Variants in GATAD2B observed in about 807,000 individuals in gnomAD.
GATAD2B encodes GATA zinc finger domain containing 2B.
A neutral mutation model predicts 64.3 loss-of-function variants in GATAD2B; 8 were observed. The observed-to-expected ratio is 0.12, with a 90% CI of 0.07 to 0.22. The LOEUF (loss-of-function observed/expected upper bound fraction) is 0.22, where lower values mean the gene tolerates loss of function less well. GATAD2B is among the 10% of genes least tolerant of loss of function. The probability of loss-of-function intolerance (pLI) is 1.00; values close to 1 mark genes in which losing one functional copy is unlikely to be tolerated. For synonymous variants in GATAD2B, 281 were observed against 271.3 expected (o/e 1.04, Z -0.35); for missense variants, 453 against 752.0 (o/e 0.60, Z 4.65).
At chr1:153,915,523 G>A (rs1678235228) in intron 1 of GATAD2B, among the ~76,000 whole-genome samples, 1 of 152,060 alleles carries the variant, frequency 6.6e-6, no homozygotes, top group African/African-American at 2.4e-5. Context: ...TTTCCCAGAA[G>A]AAGTGGCATT....
Position 153,810,104 on chromosome 1 carries a change from G to T in GATAD2B, c.*73C>A. ...AGGCACCAGTACAGGCACTGCATGCGACAGAAGTTGGGGGAATGAAAGAGG... is the reference window on the plus strand; with the variant it reads ...AGGCACCAGTACAGGCACTGCATGCTACAGAAGTTGGGGGAATGAAAGAGG... On this transcript the variant is annotated 3_prime_UTR_variant, in exon 11 of 11. Coordinates refer to ENST00000368655, the MANE Select transcript of GATAD2B (RefSeq NM_020699.4). 1 of 1,451,598 alleles carries T rather than the reference G, an allele frequency of 6.9e-7. No homozygotes were observed. The allele number at this position is 1,451,598 out of a possible 1,614,324, so 89.9% of individuals were successfully genotyped here.
chr1:153,895,772 TC>T (rs368907322), intron 1 of GATAD2B, among the ~76,000 whole-genome samples: 4 of 152,264 alleles, frequency 2.6e-5, no homozygotes, highest in African/African-American at 9.6e-5. Context: ...CTACAAAGAT[TC>T]TAAGTCTGAT....
chr1:153,892,251 A>G (rs369045582), intron 1 of GATAD2B, among the ~76,000 whole-genome samples: 174 of 152,170 alleles, frequency 1.1e-3, no homozygotes, highest in African/African-American at 3.6e-3. Flanking sequence ...GTCACTCACA[A>G]AACTCAAGAG....
chr1:153,898,225 T>C (rs1164474637), intron 1 of GATAD2B, among the ~76,000 whole-genome samples: 1 of 136,508 alleles, frequency 7.3e-6, no homozygotes, highest in Non-Finnish European at 1.5e-5. Flanking sequence ...AGAGGATTGC[T>C]AGAACCCAAA....
intron 2 of GATAD2B, chr1:153,827,722 G>GTA (rs1292775828): frequency 2.5e-6 from 1 of 404,202 alleles, no homozygotes; most frequent in African/African-American, 2.1e-5. Context: ...TAGAATGAAG[G>GTA]TATATATTAA....
intron 2 of GATAD2B, among the ~76,000 whole-genome samples, chr1:153,824,743 C>T (rs1674810154): frequency 6.7e-6 from 1 of 148,606 alleles, no homozygotes; most frequent in African/African-American, 2.5e-5. Flanking sequence ...TCTACAGGAG[C>T]AGGACTGAAA....
At chr1:153,896,438 T>C (rs1463244919) in intron 1 of GATAD2B, among the ~76,000 whole-genome samples, 3 of 150,030 alleles carry the variant, frequency 2.0e-5, no homozygotes, top group African/African-American at 7.3e-5. Flanking sequence ...ATTTTCTTTT[T>C]TTTTTTTTTT....
intron 1 of GATAD2B, among the ~76,000 whole-genome samples, chr1:153,835,386 G>C (rs1461661183): frequency 6.6e-6 from 1 of 152,024 alleles, no homozygotes; most frequent in Non-Finnish European, 1.5e-5. Context: ...TTCATGAAAG[G>C]AGAGTCAATC....
At chr1:153,863,129 T>C (rs1409417591) in intron 1 of GATAD2B, among the ~76,000 whole-genome samples, 1 of 152,148 alleles carries the variant, frequency 6.6e-6, no homozygotes, top group Admixed American at 6.6e-5. Flanking sequence ...TTTTTACTAC[T>C]CTCTCCTGGT....
intron 1 of GATAD2B, among the ~76,000 whole-genome samples, chr1:153,913,174 C>T (rs1678158867): frequency 6.6e-6 from 1 of 152,028 alleles, no homozygotes; most frequent in South Asian, 2.1e-4. Flanking sequence ...GCGATCCACC[C>T]GCCTCAGCCT....
intron 1 of GATAD2B, among the ~76,000 whole-genome samples, chr1:153,847,938 C>T (rs1054450087): frequency 2.0e-5 from 3 of 152,156 alleles, no homozygotes; most frequent in Non-Finnish European, 4.4e-5. Flanking sequence ...ACTTTGGATG[C>T]ATATTAGAAT....
chr1:153,871,061 GTGTTTTT>G (rs1050270987), intron 1 of GATAD2B, among the ~76,000 whole-genome samples: 10 of 151,622 alleles, frequency 6.6e-5, no homozygotes, highest in African/African-American at 2.2e-4. Context: ...ACCACGCCTG[GTGTTTTT>G]TGTTTTTTGT....
intron 1 of GATAD2B, among the ~76,000 whole-genome samples, chr1:153,857,220 C>T (rs959086379): frequency 1.3e-5 from 2 of 151,834 alleles, no homozygotes; most frequent in Non-Finnish European, 2.9e-5. Flanking sequence ...CCAAGGCAGG[C>T]GGATCACCTG....
At chr1:153,842,424 T>TAAATCTGAA (rs1418331214) in intron 1 of GATAD2B, among the ~76,000 whole-genome samples, 1 of 152,182 alleles carries the variant, frequency 6.6e-6, no homozygotes, top group East Asian at 1.9e-4. Context: ...AAACATTAGA[T>TAAATCTGAA]AAATCTGAAG....
chr1:153,904,801 G>GTTTCAAGCAATT (rs1557831404), intron 1 of GATAD2B, among the ~76,000 whole-genome samples: 1 of 152,002 alleles, frequency 6.6e-6, no homozygotes, highest in Non-Finnish European at 1.5e-5. Context: ...CCGCCTCCCT[G>GTTTCAAGCAATT]CTTCAAGCAA....
chr1:153,844,924 AG>A (rs960330697), intron 1 of GATAD2B, among the ~76,000 whole-genome samples: 1 of 152,086 alleles, frequency 6.6e-6, no homozygotes, highest in Non-Finnish European at 1.5e-5. Context: ...AAAAAAAAAA[AG>A]ATTAACAGGC....
At chr1:153,848,616 A>C (rs535229673) in intron 1 of GATAD2B, among the ~76,000 whole-genome samples, 1 of 152,280 alleles carries the variant, frequency 6.6e-6, no homozygotes, top group African/African-American at 2.4e-5. Context: ...TTCTCCTCCG[A>C]AACTCTCTTC....
intron 1 of GATAD2B, among the ~76,000 whole-genome samples, chr1:153,909,166 C>T (rs922458935): frequency 2.6e-5 from 4 of 152,124 alleles, no homozygotes; most frequent in Non-Finnish European, 5.9e-5. Context: ...GATCACACAA[C>T]TGCATTCCAG....
intron 2 of GATAD2B, among the ~76,000 whole-genome samples, chr1:153,824,496 C>A (rs1327981115): frequency 6.6e-6 from 1 of 151,340 alleles, no homozygotes; most frequent in Non-Finnish European, 1.5e-5. Flanking sequence ...CATGTAGTCC[C>A]AGCTACTCAG....
Sources: allele counts gnomAD v4.1 joint callset (sites outside exome capture counted in the v4.1 genomes callset), GRCh38; gene constraint gnomAD v4.1.1; transcripts MANE v1.5; gene names NCBI Gene and HGNC (gene_info 2026-07-23, HGNC 2026-07-21).